TYW1: variants seen among roughly 807,000 people sequenced by gnomAD.
TYW1 encodes S-adenosyl-L-methionine-dependent tRNA 4-demethylwyosine synthase TYW1.
Under a neutral mutation model 96.2 loss-of-function variants are expected in TYW1, and 46 were observed. That is an observed-to-expected ratio of 0.48 (90% CI 0.38 to 0.61). The LOEUF (loss-of-function observed/expected upper bound fraction) is 0.61, where lower values mean the gene tolerates loss of function less well. Ranked by LOEUF, TYW1 falls within the 20% of genes least tolerant of loss-of-function variation. The pLI is 0.00. For missense variants in TYW1, 684 were observed against 909.6 expected, an observed-to-expected ratio of 0.75 and a Z score of 3.19; for synonymous variants, 274 against 323.0, an observed-to-expected ratio of 0.85 and a Z score of 1.63.
At chr7:67,121,651 G>A (rs1412375614) in intron 13 of TYW1, among the ~76,000 whole-genome samples, 1 of 150,876 alleles carries the variant, frequency 6.6e-6, no homozygotes, top group Non-Finnish European at 1.5e-5. Flanking sequence ...GTTATCTTCT[G>A]TTATTTGATT....
chr7:67,178,082 T>G (rs1172806197), intron 13 of TYW1, among the ~76,000 whole-genome samples: 1 of 151,416 alleles, frequency 6.6e-6, no homozygotes, highest in Non-Finnish European at 1.5e-5. Context: ...GAGGATCCCT[T>G]GAGACTGGGA....
At chr7:67,056,060 C>T (rs2115594089) in intron 9 of TYW1, among the ~76,000 whole-genome samples, 173 bp downstream of exon 9, 1 of 152,306 alleles carries the variant, frequency 6.6e-6, no homozygotes, top group South Asian at 2.1e-4. Context: ...AACCTATATT[C>T]ACCAACTCCA....
At chr7:67,181,279 C>T (rs1278516667) in intron 13 of TYW1, among the ~76,000 whole-genome samples, 1 of 152,000 alleles carries the variant, frequency 6.6e-6, no homozygotes, top group East Asian at 1.9e-4. Flanking sequence ...AAGATTTTTA[C>T]ATATATAAGT....
chr7:67,023,724 C>T (rs1465519366), intron 6 of TYW1, among the ~76,000 whole-genome samples: 7 of 151,990 alleles, frequency 4.6e-5, no homozygotes, highest in Admixed American at 1.3e-4. Flanking sequence ...GCCAAGATCA[C>T]GCCACTGCAC....
chr7:67,233,684 G>C lies in TYW1; in HGVS notation c.1978-4624G>C, dbSNP rs191088703. On this transcript the variant is annotated intron_variant, in intron 15 of 15. Transcript: ENST00000359626. ...TTTGGGGTCTCATGCCTCTGTTTAT[G>C]CAGCTGTCTCTCAGCGCTGTTTGTG... is the stretch of plus-strand genomic sequence containing the variant. Among the ~76,000 whole-genome samples the C allele has an allele frequency of 3.0e-4, 41 of 136,264 alleles. 4 individuals carry two copies. The East Asian group carries it at 3.1e-3, about 10-fold the overall frequency. 89.4% of individuals were successfully genotyped at this position (136,264 alleles called of 152,430 possible). A position where few individuals can be genotyped will look rare whatever the true frequency, so the allele number is the denominator to read the frequency against.
intron 13 of TYW1, among the ~76,000 whole-genome samples, chr7:67,177,233 A>G (rs1264429719): frequency 6.6e-6 from 1 of 151,920 alleles, no homozygotes; most frequent in Non-Finnish European, 1.5e-5. Flanking sequence ...TTTTTGACAC[A>G]AATGTGAGTG....
At chr7:67,004,786 TTC>T (rs1451373059) in intron 3 of TYW1, among the ~76,000 whole-genome samples, 1 of 152,072 alleles carries the variant, frequency 6.6e-6, no homozygotes, top group Middle Eastern at 3.2e-3. Flanking sequence ...GACAGAGTCT[TTC>T]TCTGTCACCC....
chr7:67,199,031 A>G (rs1179612713), intron 15 of TYW1, among the ~76,000 whole-genome samples: 1 of 152,030 alleles, frequency 6.6e-6, no homozygotes, highest in East Asian at 1.9e-4. Context: ...CTCCATCACT[A>G]TTTAAAAATA....
At chr7:67,006,406 T>A (rs1171217190) in intron 3 of TYW1, among the ~76,000 whole-genome samples, 8 of 151,402 alleles carry the variant, frequency 5.3e-5, no homozygotes, top group Non-Finnish European at 1.0e-4. Flanking sequence ...CTTTTTTTTA[T>A]AAATTGCCCA....
intron 13 of TYW1, among the ~76,000 whole-genome samples, chr7:67,175,226 C>T (rs1343719262): frequency 5.5e-5 from 8 of 145,304 alleles, no homozygotes; most frequent in East Asian, 2.0e-4. Context: ...GGCTGGAGTG[C>T]GATGGCGTGA....
intron 10 of TYW1, among the ~76,000 whole-genome samples, chr7:67,072,244 C>A (rs1400676828): frequency 6.9e-6 from 1 of 145,310 alleles, no homozygotes; most frequent in Non-Finnish European, 1.5e-5. Flanking sequence ...AACCCCTCTA[C>A]CCACTTTTTT....
chr7:67,013,322 T>C (rs573477250), intron 4 of TYW1, among the ~76,000 whole-genome samples: 1 of 152,076 alleles, frequency 6.6e-6, no homozygotes, highest in African/African-American at 2.4e-5. Context: ...GGGGTTTCAC[T>C]GTGTTGCTTA....
chr7:67,075,653 C>T (rs1374041946), intron 10 of TYW1, among the ~76,000 whole-genome samples: 2 of 152,190 alleles, frequency 1.3e-5, no homozygotes. Flanking sequence ...GATTGCATTT[C>T]TGTGCATTGC....
chr7:67,118,090 C>T (rs970984157), intron 13 of TYW1, among the ~76,000 whole-genome samples: 4 of 152,078 alleles, frequency 2.6e-5, no homozygotes, highest in East Asian at 1.9e-4. Flanking sequence ...TTTGGGAGGG[C>T]GAGGCAGGTG....
chr7:67,009,985 C>CT (rs1174548567), intron 4 of TYW1, among the ~76,000 whole-genome samples: 1,344 of 129,726 alleles, frequency 0.01, 15 homozygotes, highest in East Asian at 0.062. Context: ...TTTTTCTTTT[C>CT]TTTTTTTTTT....
chr7:67,168,268 G>T (rs951509135), intron 13 of TYW1, among the ~76,000 whole-genome samples: 1 of 151,934 alleles, frequency 6.6e-6, no homozygotes, highest in African/African-American at 2.4e-5. Flanking sequence ...ACTCATCTTG[G>T]TTACTATGTA....
At chr7:67,187,419 A>T (rs12154358) in intron 14 of TYW1, among the ~76,000 whole-genome samples, 43,925 of 151,972 alleles carry the variant, frequency 0.29, 7,042 homozygotes, top group African/African-American at 0.43. Flanking sequence ...TTCATGTTAC[A>T]TCAGAGGGAG....
chr7:67,169,462 G>T (rs997068982), intron 13 of TYW1, among the ~76,000 whole-genome samples: 7 of 151,892 alleles, frequency 4.6e-5, no homozygotes, highest in Non-Finnish European at 7.4e-5. Context: ...GTGCAGTGGC[G>T]TGATCTTGGC....
intron 12 of TYW1, among the ~76,000 whole-genome samples, chr7:67,114,548 T>G (rs1797531980): frequency 1.3e-5 from 2 of 152,232 alleles, no homozygotes; most frequent in Admixed American, 1.3e-4. Context: ...GGCTTAAGGT[T>G]GTCTATCTTA....
Sources: allele counts gnomAD v4.1 joint callset (sites outside exome capture counted in the v4.1 genomes callset), GRCh38; gene constraint gnomAD v4.1.1; transcripts MANE v1.5; gene names NCBI Gene and HGNC (gene_info 2026-07-23, HGNC 2026-07-21).